The following PCDHGC3 variants were observed in gnomAD, a reference collection of about 807,000 sequenced individuals.
The protein encoded by PCDHGC3 is protocadherin gamma subfamily C, 3.
PCDHGC3 carries 26 observed loss-of-function variants against 59.2 expected under a neutral mutation model. The observed-to-expected ratio is 0.44, with a 90% confidence interval of 0.32 to 0.61. The LOEUF (loss-of-function observed/expected upper bound fraction) is 0.61. PCDHGC3 is among the 20% of genes least tolerant of loss of function. PCDHGC3 has a pLI of 0.05. For synonymous variants in PCDHGC3, 487 were observed against 519.7 expected, an observed-to-expected ratio of 0.94 and a Z score of 0.86; for missense variants, 1,080 against 1,221.8, an observed-to-expected ratio of 0.88 and a Z score of 1.73.
At chr5:141,482,561 T>C (rs1411268228) in intron 1 of PCDHGC3, among the ~76,000 whole-genome samples, 3 of 136,978 alleles carry the variant, frequency 2.2e-5, no homozygotes, top group African/African-American at 8.6e-5. Flanking sequence ...ATAATGGAGA[T>C]CTGCATAGCA....
Position 141,478,513 on chromosome 5 carries a change from G to A in PCDHGC3, c.2397G>A (p.Gln799=). The A allele has an allele frequency of 6.2e-7, 1 of 1,611,520 alleles. No individual in the cohort carries two copies. ...LRSCDPVFYR[Q]VLGAESAPPG... ...GCTGTGATCCGGTGTTCTATAGGCA[G>A]GTGTTGGGTGCAGAGAGCGCCCCTC... Residue 799 remains glutamine, a synonymous_variant, in exon 1 of 4, where the codon CAG becomes CAA. Transcript: ENST00000308177.
Position 141,486,915 on chromosome 5 carries a change from C to G in PCDHGC3, c.2431-7892C>G. The G allele has an allele frequency of 6.2e-7, 1 of 1,614,244 alleles. No individual in the cohort carries two copies. The highest frequency in any genetic ancestry group is 8.5e-7 in the Non-Finnish European group (1 of 1,180,046). ...GGTTCCTTATGTCCCCAAGCACTGCCTCCATCAGTTGGTGCTGGCCACCTA... is the reference window on the plus strand; with the variant it reads ...GGTTCCTTATGTCCCCAAGCACTGCGTCCATCAGTTGGTGCTGGCCACCTA... On this transcript the variant is annotated intron_variant, in intron 1 of 3. Transcript: ENST00000308177. This position sits in a 1 kb window ranked among gnomAD's most constrained non-coding sequence, Gnocchi z 5.0.
intron 3 of PCDHGC3, among the ~76,000 whole-genome samples, chr5:141,510,424 C>T (rs2154594619): frequency 6.6e-6 from 1 of 152,236 alleles, no homozygotes; most frequent in South Asian, 2.1e-4. Flanking sequence ...GCCATGGTTT[C>T]ATGGCTGCTG....
chr5:141,496,140 T>C (rs1172903212), intron 2 of PCDHGC3, among the ~76,000 whole-genome samples: 1 of 152,006 alleles, frequency 6.6e-6, no homozygotes, highest in Admixed American at 6.6e-5. Flanking sequence ...CACTGAGCCT[T>C]TGATCGCAGC....
rs752954707 is a variant in PCDHGC3 at position 141,476,801 on chromosome 5, C to T, written c.685C>T (p.Pro229Ser). The T allele has an allele frequency of 6.2e-7, 1 of 1,613,586 alleles. No individual in the cohort carries two copies. Among genetic ancestry groups the T allele is most frequent in the Non-Finnish European group, 8.5e-7 (1 of 1,180,020 alleles). The change falls in exon 1 of 4, where the codon CCT (proline) becomes TCT (serine). Residue 229 changes from proline (P) to serine (S), a missense_variant. Coordinates refer to ENST00000308177, the MANE Select transcript of PCDHGC3 (RefSeq NM_002588.4). This position sits in a 1 kb window ranked among gnomAD's most constrained non-coding sequence, Gnocchi z 7.6. Reference sequence around the variant, plus strand: ...GACCCCAGCTCTCTCCGCCAGCCTGCCTATTCACATCAAGGTGCTGGACGC... The same window carrying T: ...GACCCCAGCTCTCTCCGCCAGCCTGTCTATTCACATCAAGGTGCTGGACGC... ...GGTPALSASLPIHIKVLDAND... is the reference protein window; with the variant it reads ...GGTPALSASLSIHIKVLDAND...
chr5:141,478,526 G>A lies in PCDHGC3; in HGVS notation c.2410G>A (p.Glu804Lys), dbSNP rs1402123535. 6.2e-7 allele frequency: 1 copy of A among 1,609,906 alleles called. No homozygotes were observed. Among genetic ancestry groups the A allele is most frequent in the Admixed American group, 1.7e-5 (1 of 58,944 alleles). The change falls in exon 1 of 4, where the codon GAG (glutamate) becomes AAG (lysine). Residue 804 changes from glutamate (E) to lysine (K), a missense_variant. Physicochemically the swap from Glu to Lys is moderately conservative, Grantham distance 56 (BLOSUM62 1). Coordinates refer to ENST00000308177, the MANE Select transcript of PCDHGC3 (RefSeq NM_002588.4). ...PVFYRQVLGA[E>K]SAPPGQQAPP... ...GTTCTATAGGCAGGTGTTGGGTGCAGAGAGCGCCCCTCCCGGACAGGTAAG... is the reference window on the plus strand; with the variant it reads ...GTTCTATAGGCAGGTGTTGGGTGCAAAGAGCGCCCCTCCCGGACAGGTAAG...
In PCDHGC3 at chr5:141,485,636, G is replaced by A. The variant is rs371040974; in HGVS notation, c.2430+7090G>A. The A allele has an allele frequency of 6.2e-7, 1 of 1,611,922 alleles. No homozygotes were observed. The highest frequency in any genetic ancestry group is 1.1e-5 in the South Asian group (1 of 90,964). On this transcript the variant is annotated intron_variant, in intron 1 of 3. Transcript: ENST00000308177. This position sits in a 1 kb window ranked among gnomAD's most constrained non-coding sequence, Gnocchi z 5.7. ...TCCTCCAGGACAGCGTTTCCCGTTG[G>A]AAAAGGCTCAGGATGCAGATGTGGG...
intron 2 of PCDHGC3, among the ~76,000 whole-genome samples, chr5:141,501,983 C>G (rs957901405): frequency 6.6e-6 from 1 of 152,068 alleles, no homozygotes; most frequent in Non-Finnish European, 1.5e-5. Flanking sequence ...CATCTGGTCC[C>G]GTTGTCTCCC....
At chr5:141,498,012 A>T (rs184213306) in intron 2 of PCDHGC3, among the ~76,000 whole-genome samples, 6 of 152,348 alleles carry the variant, frequency 3.9e-5, no homozygotes, top group Non-Finnish European at 8.8e-5. Context: ...CAGTGCACTG[A>T]AGGAGACAAA....
intron 1 of PCDHGC3, chr5:141,492,033 C>A: frequency 1.8e-6 from 1 of 548,342 alleles, no homozygotes; most frequent in Non-Finnish European, 3.1e-6. Flanking sequence ...CGGGAGGAGG[C>A]AGTCACAGAT....
rs1185679701 is a variant in PCDHGC3, at chr5:141,511,384, G to A, written c.*211G>A. On this transcript the variant is annotated 3_prime_UTR_variant, in exon 4 of 4. Coordinates refer to ENST00000308177, the MANE Select transcript of PCDHGC3 (RefSeq NM_002588.4). ...TTGAATATGCAAAAGCAGTTCCGCT[G>A]GGAACCCCCATCCAATCAACTGCTG... is the stretch of plus-strand genomic sequence containing the variant. 3.5e-6 allele frequency: 4 copies of A among 1,154,490 alleles called. No homozygotes were observed. Among genetic ancestry groups the A allele is most frequent in the Admixed American group, 2.9e-5 (1 of 34,748 alleles). 71.5% of individuals were successfully genotyped at this position (1,154,490 alleles called of 1,614,324 possible). A position where few individuals can be genotyped will look rare whatever the true frequency, so the allele number is the denominator to read the frequency against.
Position 141,478,233 on chromosome 5 carries a change from T to G in PCDHGC3, c.2117T>G (p.Val706Gly). 1 of 1,614,126 alleles carries G rather than the reference T, an allele frequency of 6.2e-7. No individual in the cohort carries two copies. The change falls in exon 1 of 4, where the codon GTG becomes GGG. Residue 706 changes from valine to glycine, a missense_variant. Transcript: ENST00000308177. ...CTAATCCTGGTTTCTGTGGGGTTTGTGGTCACAGTGTTCGGAGTAATCATA... is the reference window on the plus strand; with the variant it reads ...CTAATCCTGGTTTCTGTGGGGTTTGGGGTCACAGTGTTCGGAGTAATCATA... ...LSLILVSVGF[V>G]VTVFGVIIFK...
chr5:141,511,267 C>A lies in PCDHGC3; in HGVS notation c.*94C>A, dbSNP rs1223074819. The A allele has an allele frequency of 6.5e-7, 1 of 1,549,404 alleles. No individual in the cohort carries two copies. Among genetic ancestry groups the A allele is most frequent in the Non-Finnish European group, 8.7e-7 (1 of 1,146,836 alleles). Reference sequence around the variant, plus strand: ...CCAGGCCTCAGAGTTTCAGGGCTAACCCCCAGAATACTGGTAGGGGCCAAG... The same window carrying A: ...CCAGGCCTCAGAGTTTCAGGGCTAAACCCCAGAATACTGGTAGGGGCCAAG... On this transcript the variant is annotated 3_prime_UTR_variant, in exon 4 of 4. Coordinates refer to ENST00000308177, the MANE Select transcript of PCDHGC3 (RefSeq NM_002588.4).
chr5:141,491,964 C>T lies in PCDHGC3; in HGVS notation c.2431-2843C>T, dbSNP rs1382490003. 2.1e-6 allele frequency: 2 copies of T among 943,836 alleles called. No individual in the cohort carries two copies. The highest frequency in any genetic ancestry group is 3.0e-6 in the Non-Finnish European group (2 of 671,104). 58.5% of individuals were successfully genotyped at this position (943,836 alleles called of 1,614,324 possible). On this transcript the variant is annotated intron_variant, in intron 1 of 3. Transcript: ENST00000308177. The surrounding 1 kb of genome is among the most constrained non-coding windows in gnomAD (Gnocchi z 6.9). ...CCCCACCCCTACACTCAAAAAAGGC[C>T]GGGGCCTCCTTCGAGCTTCCGGTGA...
At position 141,499,506 on chromosome 5, in the gene PCDHGC3, CA is replaced by C. The variant is rs759983739; in HGVS notation, c.2489+4644del. Among the ~76,000 whole-genome samples, 6 of 152,086 alleles carry C rather than the reference CA, an allele frequency of 3.9e-5. No homozygotes were observed. The South Asian group carries it at 1.0e-3, about 26-fold the overall frequency. On this transcript the variant is annotated intron_variant, in intron 2 of 3. Coordinates refer to ENST00000308177, the MANE Select transcript of PCDHGC3 (RefSeq NM_002588.4). Reference sequence around the variant, plus strand: ...AACTACAGTTTAATATGAAACATTTCAAATATGTACAAAAGTAGAGAGAATG... The same window carrying C: ...AACTACAGTTTAATATGAAACATTTCAATATGTACAAAAGTAGAGAGAATG...
chr5:141,478,847 AAC>A (rs2099480409), intron 1 of PCDHGC3: 1 of 1,389,782 alleles, frequency 7.2e-7, no homozygotes, highest in South Asian at 1.5e-5. Context: ...GTTAAGCTAA[AAC>A]ACAAGATCTC....
At chr5:141,500,244 T>C (rs1426405294) in intron 2 of PCDHGC3, among the ~76,000 whole-genome samples, 1 of 151,640 alleles carries the variant, frequency 6.6e-6, no homozygotes, top group Non-Finnish European at 1.5e-5. Context: ...AGCCTTGCTC[T>C]GTCACCCAGG....
rs747283905 is a variant in PCDHGC3, at chr5:141,491,693, G to A, written c.2431-3114G>A. On this transcript the variant is annotated intron_variant, in intron 1 of 3. Transcript: ENST00000308177. The surrounding 1 kb of genome is among the most constrained non-coding windows in gnomAD (Gnocchi z 6.9). ...TCCCGCTCTAATACGCTGCGGGAGC[G>A]GAGCCAGGTGAGGGGCTCGGCGCCG... 3.7e-5 allele frequency: 59 copies of A among 1,612,434 alleles called. No homozygotes were observed. Among genetic ancestry groups the A allele is most frequent in the Non-Finnish European group, 4.7e-5 (55 of 1,179,352 alleles).
intron 2 of PCDHGC3, among the ~76,000 whole-genome samples, chr5:141,496,856 G>A (rs1324235700): frequency 6.7e-6 from 1 of 150,206 alleles, no homozygotes; most frequent in African/African-American, 2.5e-5. Context: ...CAGACCAGCA[G>A]AGGAGACTGA....
Sources: allele counts gnomAD v4.1 joint callset (sites outside exome capture counted in the v4.1 genomes callset), GRCh38; gene constraint gnomAD v4.1.1; non-coding constraint Gnocchi (gnomAD v3.1); transcripts MANE v1.5; gene names NCBI Gene and HGNC (gene_info 2026-07-23, HGNC 2026-07-21).